OLFM1: variants seen among roughly 807,000 people sequenced by gnomAD.
OLFM1 encodes the protein noelin.
In OLFM1, 9 loss-of-function variants were observed where a neutral mutation model predicts 49.7. The observed-to-expected ratio is 0.18, with a 90% CI of 0.11 to 0.32. The LOEUF (loss-of-function observed/expected upper bound fraction) is 0.32, where lower values mean the gene tolerates loss of function less well. OLFM1 is among the 10% of genes least tolerant of loss of function. The pLI is 1.00. For missense variants in OLFM1, 369 were observed against 661.8 expected, an observed-to-expected ratio of 0.56 and a Z score of 4.85; for synonymous variants, 240 against 271.8, an observed-to-expected ratio of 0.88 and a Z score of 1.15.
intron 1 of OLFM1, chr9:135,077,209 C>G: frequency 1.3e-6 from 2 of 1,522,206 alleles, no homozygotes; most frequent in Non-Finnish European, 8.8e-7. Flanking sequence ...GAAGAGCCAA[C>G]CAGGTCCTGA....
intron 5 of OLFM1, among the ~76,000 whole-genome samples, chr9:135,114,123 CTTTTTTTTTTTTTTT>C (rs138372395): frequency 0.014 from 1,033 of 75,862 alleles, 13 homozygotes; most frequent in Non-Finnish European, 0.02. Context: ...TCTTGAGATT[CTTTTTTTTTTTTTTT>C]TTTTTTTTTT....
intron 2 of OLFM1, among the ~76,000 whole-genome samples, chr9:135,094,333 CGTT>C (rs1427176761): frequency 6.6e-6 from 1 of 152,232 alleles, no homozygotes; most frequent in African/African-American, 2.4e-5. Flanking sequence ...AACAAAGTGA[CGTT>C]GTTGTTTCCA....
chr9:135,108,331 T>C (rs1225948392), intron 5 of OLFM1, among the ~76,000 whole-genome samples: 1 of 152,200 alleles, frequency 6.6e-6, no homozygotes, highest in African/African-American at 2.4e-5. Context: ...AAGGTGATGC[T>C]GGCAGGCACT....
Position 135,120,190 on chromosome 9 carries a change from T to C in OLFM1, c.*12T>C, listed in dbSNP as rs1472775730. On this transcript the variant is annotated 3_prime_UTR_variant, in exon 6 of 6. Transcript: ENST00000371793. ...CCGACGAGTTGTAGCTCCCTCCTCC[T>C]GGAAGCCAAGGGCCCACGTCCTCAC... The C allele has an allele frequency of 6.3e-6, 10 of 1,596,356 alleles. No homozygotes were observed. The highest frequency in any genetic ancestry group is 1.3e-5 in the African/African-American group (1 of 74,462).
At position 135,088,569 on chromosome 9, in the gene OLFM1, C is replaced by T. The variant is rs1217741706; in HGVS notation, c.150+430C>T. 1.3e-5 allele frequency among the ~76,000 whole-genome samples: 2 copies of T among 152,048 alleles called. No homozygotes were observed. Among genetic ancestry groups the T allele is most frequent in the South Asian group, 2.1e-4 (1 of 4,830 alleles). On this transcript the variant is annotated intron_variant, in intron 1 of 5. Transcript: ENST00000371793. This position sits in a 1 kb window ranked among gnomAD's most constrained non-coding sequence, Gnocchi z 4.8. Reference sequence around the variant, plus strand: ...CCGCCGCTAGACCCTAGTCTGGGCTCGGTCCAGCGGGGACTGAGCCCGCCC... The same window carrying T: ...CCGCCGCTAGACCCTAGTCTGGGCTTGGTCCAGCGGGGACTGAGCCCGCCC...
intron 5 of OLFM1, among the ~76,000 whole-genome samples, chr9:135,110,311 C>T (rs1481574226): frequency 2.6e-5 from 4 of 152,190 alleles, no homozygotes; most frequent in East Asian, 3.9e-4. Context: ...TCCTTTCTGA[C>T]CCGCTTCCTA....
upstream of OLFM1, among the ~76,000 whole-genome samples, chr9:135,086,290 C>A (rs903864124): frequency 6.6e-6 from 1 of 152,350 alleles, no homozygotes; most frequent in East Asian, 1.9e-4. Context: ...AGCCCGGCTG[C>A]CTGAGATTAC....
chr9:135,091,673 A>ATAGT, intron 2 of OLFM1, among the ~76,000 whole-genome samples: 1 of 1,868 alleles, frequency 5.4e-4, no homozygotes, highest in Admixed American at 5.4e-3. Context: ...ACAGTCACAC[A>ATAGT]CTCACACATA....
rs1176646285 is a variant in OLFM1 at position 135,117,533 on chromosome 9, C to T, written c.784-1971C>T. On this transcript the variant is annotated intron_variant, in intron 5 of 5. Coordinates refer to ENST00000371793, the MANE Select transcript of OLFM1 (RefSeq NM_001282611.2). The surrounding 1 kb of genome is among the most constrained non-coding windows in gnomAD (Gnocchi z 5.5). ...TTTGAGAGTCGATCCTCACTGCAGACAACAGCTGCCTGGGGCTGTGAGCAT... is the reference window on the plus strand; with the variant it reads ...TTTGAGAGTCGATCCTCACTGCAGATAACAGCTGCCTGGGGCTGTGAGCAT... Among the ~76,000 whole-genome samples, 1 of 152,244 alleles carries T rather than the reference C, an allele frequency of 6.6e-6. No individual in the cohort carries two copies. The highest frequency in any genetic ancestry group is 1.5e-5 in the Non-Finnish European group (1 of 68,046).
chr9:135,097,838 A>G, intron 3 of OLFM1: 6 of 1,611,844 alleles, frequency 3.7e-6, no homozygotes, highest in South Asian at 1.1e-5. Context: ...GTCCACTCCC[A>G]TGTAACCATG....
chr9:135,109,744 C>T (rs975223512), intron 5 of OLFM1, among the ~76,000 whole-genome samples: 3 of 152,100 alleles, frequency 2.0e-5, no homozygotes, highest in African/African-American at 4.8e-5. Context: ...AAATCAATGT[C>T]GGCTTCAGTG....
At chr9:135,095,544 G>A (rs1295019195) in intron 2 of OLFM1, among the ~76,000 whole-genome samples, 1 of 149,586 alleles carries the variant, frequency 6.7e-6, no homozygotes, top group African/African-American at 2.5e-5. Context: ...GAGAGAGAGA[G>A]ATCAAGAGAA....
chr9:135,082,964 T>C (rs978424066), upstream of OLFM1, among the ~76,000 whole-genome samples: 7 of 152,200 alleles, frequency 4.6e-5, no homozygotes, highest in African/African-American at 1.4e-4. Flanking sequence ...CACCAAATCC[T>C]TGGCTGTAAG....
At chr9:135,086,156 G>A (rs146363794), upstream of OLFM1, among the ~76,000 whole-genome samples, 1,391 of 152,280 alleles carry the variant, frequency 9.1e-3, 21 homozygotes, top group African/African-American at 0.031. Context: ...GGAGGGGGGC[G>A]AAGCCAGCCC....
intron 4 of OLFM1, 118 bp from the exon 5 acceptor site, chr9:135,106,631 C>T (rs570327787): frequency 8.5e-6 from 6 of 705,030 alleles, no homozygotes; most frequent in Non-Finnish European, 1.2e-5. Context: ...CCCCAGACCC[C>T]GAGGGCAAGA....
At chr9:135,084,278 T>A (rs143584409), upstream of OLFM1, among the ~76,000 whole-genome samples, 1 of 152,158 alleles carries the variant, frequency 6.6e-6, no homozygotes, top group African/African-American at 2.4e-5. The surrounding 1 kb of genome is among the most constrained non-coding windows in gnomAD (Gnocchi z 4.6). Context: ...TCTCTCTGTG[T>A]CTCTTCTCTC....
At chr9:135,082,270 C>A (rs1830542444) in intron 1 of OLFM1, among the ~76,000 whole-genome samples, 1 of 152,182 alleles carries the variant, frequency 6.6e-6, no homozygotes, top group South Asian at 2.1e-4. Flanking sequence ...TTCAGATCAG[C>A]AGTTCACAGC....
At position 135,087,781 on chromosome 9, in the gene OLFM1, C is replaced by T. The variant is rs890654892; in HGVS notation, c.-209C>T. On this transcript the variant is annotated 5_prime_UTR_variant, in exon 1 of 6. Transcript: ENST00000371793. ...GCAGGGCGCGGCGGGCAGAGGCCAC[C>T]TGGCCACCTTCCCTGGCGCCCGGGG... 5 of 593,540 alleles carry T rather than the reference C, an allele frequency of 8.4e-6. No homozygotes were observed. In the African/African-American group the frequency reaches 1.0e-4, roughly 12 times the overall value. The allele number at this position is 593,540 out of a possible 1,614,324, so 36.8% of individuals were successfully genotyped here. A position where few individuals can be genotyped will look rare whatever the true frequency, so the allele number is the denominator to read the frequency against.
chr9:135,091,885 A>T (rs1564271305), intron 2 of OLFM1, among the ~76,000 whole-genome samples: 1 of 84,678 alleles, frequency 1.2e-5, no homozygotes, highest in Non-Finnish European at 2.4e-5. Flanking sequence ...TCACACACAC[A>T]CTCACACATA....
Sources: gnomAD v4.1 joint callset for allele counts (sites outside exome capture counted in the v4.1 genomes callset) on GRCh38, gnomAD v4.1.1 for gene constraint, Gnocchi (gnomAD v3.1) non-coding constraint, MANE v1.5 for transcripts, NCBI Gene and HGNC (gene_info 2026-07-23, HGNC 2026-07-21) for gene names.